The following MTMR1 variants were observed in gnomAD, a reference collection of about 807,000 sequenced individuals.
MTMR1 encodes phosphatidylinositol-3-phosphate phosphatase MTMR1.
A neutral mutation model predicts 51.6 loss-of-function variants in MTMR1; 17 were observed. That is an observed-to-expected ratio of 0.33 (90% CI 0.23 to 0.49). The LOEUF is 0.49. Ranked by LOEUF, MTMR1 falls within the 20% of genes least tolerant of loss-of-function variation. The pLI is 0.99. For synonymous variants in MTMR1, 201 were observed against 205.6 expected (o/e 0.98, Z 0.19); for missense variants, 386 against 526.9 (o/e 0.73, Z 2.62).
intron 13 of MTMR1, 55 bp downstream of exon 13, chrX:150,744,508 G>A (rs1448223759): frequency 5.3e-6 from 5 of 944,560 alleles, no homozygotes; most frequent in Non-Finnish European, 7.5e-6. Context: ...ATATCTTAAA[G>A]ATTAAACTAT....
chrX:150,740,961 G>T (rs1053030893), intron 12 of MTMR1, among the ~76,000 whole-genome samples: 1 of 111,158 alleles, frequency 9.0e-6, no homozygotes, highest in Non-Finnish European at 1.9e-5. Flanking sequence ...ATTTATGAGG[G>T]ATCCACCCCC....
intron 4 of MTMR1, among the ~76,000 whole-genome samples, chrX:150,725,197 C>T (rs2041887676): frequency 1.8e-5 from 2 of 112,218 alleles, no homozygotes; most frequent in South Asian, 7.4e-4. Context: ...TTGTTCCTAT[C>T]CATGAGCATG....
At chrX:150,743,528 T>A (rs2042493677) in intron 12 of MTMR1, among the ~76,000 whole-genome samples, 1 of 112,887 alleles carries the variant, frequency 8.9e-6, no homozygotes, top group Admixed American at 9.4e-5. Flanking sequence ...ATTGATTTTG[T>A]CATTTATTTG....
chrX:150,737,103 A>G, intron 11 of MTMR1, 139 bp from the exon 12 acceptor site: 1 of 523,873 alleles, frequency 1.9e-6, no homozygotes, highest in Non-Finnish European at 3.1e-6. Flanking sequence ...TTTCCTAGTG[A>G]TTCTCAGCTG....
chrX:150,760,408 A>G (rs1430142425), intron 15 of MTMR1, among the ~76,000 whole-genome samples: 1 of 111,123 alleles, frequency 9.0e-6, no homozygotes, highest in Non-Finnish European at 1.9e-5. Flanking sequence ...TTGGCTGCCG[A>G]GAAAGGGGTT....
chrX:150,740,884 A>G (rs1557417294), intron 12 of MTMR1, among the ~76,000 whole-genome samples: 2 of 109,486 alleles, frequency 1.8e-5, no homozygotes, highest in Middle Eastern at 4.2e-3. Flanking sequence ...CTTTGTAACA[A>G]CCAGCTGTCT....
rs782529097 is a variant in MTMR1 at position 150,699,166 on chromosome X, C to A, written c.147-29C>A. Reference sequence around the variant, plus strand: ...TTTTCACTGAGATCCTATGATATAACGTTTTGTAATCCATGCTATTTTTTT... The same window carrying A: ...TTTTCACTGAGATCCTATGATATAAAGTTTTGTAATCCATGCTATTTTTTT... On this transcript the variant is annotated intron_variant, in intron 1 of 15. Transcript: ENST00000445323. The A allele has an allele frequency of 3.0e-6, 3 of 1,011,200 alleles. No homozygotes were observed. In the East Asian group the frequency reaches 9.6e-5, roughly 32 times the overall value. The allele number at this position is 1,011,200 out of a possible 1,213,427, so 83.3% of individuals were successfully genotyped here. A position where few individuals can be genotyped will look rare whatever the true frequency, so the allele number is the denominator to read the frequency against.
In MTMR1 at chrX:150,701,598, GTCATCA is replaced by G. The variant is rs782035130; in HGVS notation, c.252+2317_252+2322del. Among the ~76,000 whole-genome samples, 163 of 111,738 alleles carry G rather than the reference GTCATCA, an allele frequency of 1.5e-3. 1 individual carries two copies. Among genetic ancestry groups the G allele is most frequent in the African/African-American group, 4.8e-3 (149 of 30,790 alleles). The stretch of plus-strand genomic sequence containing the variant: ...AACAGGCTGTCGAGAATGGTTCTAT[GTCATCA>G]TCATCATCATCATCATCAACCCTCT... On this transcript the variant is annotated intron_variant, in intron 2 of 15. Transcript: ENST00000445323.
rs148476427 is a variant in MTMR1 at position 150,724,050 on chromosome X, G to A, written c.353-3165G>A. Among the ~76,000 whole-genome samples, 532 of 112,135 alleles carry A rather than the reference G, an allele frequency of 4.7e-3. 2 individuals carry two copies. Among genetic ancestry groups the A allele is most frequent in the African/African-American group, 0.016 (504 of 30,865 alleles). ...AGTGCTGCAGCAGACATACACGTGAGTGTGTCTTTATGGTAGAATAATTTA... is the reference window on the plus strand; with the variant it reads ...AGTGCTGCAGCAGACATACACGTGAATGTGTCTTTATGGTAGAATAATTTA... On this transcript the variant is annotated intron_variant, in intron 4 of 15. Transcript: ENST00000445323.
At chrX:150,758,706 G>A (rs1452120445) in intron 15 of MTMR1, among the ~76,000 whole-genome samples, 2 of 109,019 alleles carry the variant, frequency 1.8e-5, no homozygotes, top group South Asian at 4.0e-4. Context: ...CAGAAGAATC[G>A]CTTGAACCTG....
chrX:150,743,337 G>C (rs926761942), intron 12 of MTMR1, among the ~76,000 whole-genome samples: 2 of 111,063 alleles, frequency 1.8e-5, no homozygotes, highest in Non-Finnish European at 3.8e-5. Context: ...GGAGTTAGAG[G>C]CTGCAGCAGG....
chrX:150,696,932 C>A (rs782351073), intron 1 of MTMR1, among the ~76,000 whole-genome samples: 1 of 111,456 alleles, frequency 9.0e-6, no homozygotes, highest in Admixed American at 9.4e-5. Context: ...CGCTTTCCCC[C>A]ACAGAAGCCT....
At chrX:150,706,955 C>T (rs782814750) in intron 2 of MTMR1, among the ~76,000 whole-genome samples, 103 of 109,542 alleles carry the variant, frequency 9.4e-4, no homozygotes, top group African/African-American at 3.2e-3. Flanking sequence ...TATGCTCAGC[C>T]GATTTTTTTT....
chrX:150,757,945 C>A (rs782066661), intron 15 of MTMR1, among the ~76,000 whole-genome samples: 1 of 111,096 alleles, frequency 9.0e-6, no homozygotes, highest in African/African-American at 3.3e-5. Context: ...CCAAGACACT[C>A]GATACTGCAC....
chrX:150,711,364 T>G (rs1375389084), intron 2 of MTMR1, among the ~76,000 whole-genome samples: 3 of 112,606 alleles, frequency 2.7e-5, no homozygotes, highest in Non-Finnish European at 5.6e-5. Flanking sequence ...TTATGCATTC[T>G]GAGTGAAACC....
chrX:150,733,456 C>T (rs1315367346), intron 10 of MTMR1, among the ~76,000 whole-genome samples: 1 of 111,022 alleles, frequency 9.0e-6, no homozygotes, highest in Non-Finnish European at 1.9e-5. Flanking sequence ...CCTGATCCCT[C>T]CTAAGGTTGA....
intron 4 of MTMR1, among the ~76,000 whole-genome samples, chrX:150,724,736 T>C (rs2041873438): frequency 8.9e-6 from 1 of 112,385 alleles, no homozygotes; most frequent in African/African-American, 3.2e-5. Flanking sequence ...CATTTAGGTC[T>C]CTAATCCATC....
At chrX:150,714,310 A>T (rs1451235033) in intron 3 of MTMR1, among the ~76,000 whole-genome samples, 4 of 112,163 alleles carry the variant, frequency 3.6e-5, no homozygotes, top group African/African-American at 1.3e-4. Flanking sequence ...TTATTTCCTT[A>T]ACTCCAAGGG....
intron 4 of MTMR1, among the ~76,000 whole-genome samples, chrX:150,723,998 T>C (rs1557416671): frequency 8.9e-6 from 1 of 112,503 alleles, no homozygotes; most frequent in Non-Finnish European, 1.9e-5. Context: ...GCATTTAGAT[T>C]GATTCCATGA....
Sources: gnomAD v4.1 joint callset for allele counts (sites outside exome capture counted in the v4.1 genomes callset) on GRCh38, gnomAD v4.1.1 for gene constraint, MANE v1.5 for transcripts, NCBI Gene and HGNC (gene_info 2026-07-23, HGNC 2026-07-21) for gene names.